GRM8: variants seen among roughly 807,000 people sequenced by gnomAD.
GRM8 encodes glutamate metabotropic receptor 8, also known as metabotropic glutamate receptor 8.
In GRM8, 47 loss-of-function variants were observed where a neutral mutation model predicts 87.2. That is an observed-to-expected ratio of 0.54 (90% CI 0.43 to 0.69). GRM8 has a LOEUF of 0.69. GRM8 is among the 30% of genes least tolerant of loss of function. The pLI, the probability that GRM8 is intolerant of heterozygous loss-of-function variation, is 0.00. For synonymous variants in GRM8, 396 were observed against 404.5 expected (o/e 0.98, Z 0.25); for missense variants, 1,019 against 1,139.2 (o/e 0.89, Z 1.52).
chr7:126,479,741 TAGACAGAC>T (rs3993604), intron 9 of GRM8, among the ~76,000 whole-genome samples: 7,095 of 148,534 alleles, frequency 0.048, 501 homozygotes, highest in African/African-American at 0.15. Context: ...GACAGAGAGA[TAGACAGAC>T]AGACAGACAG....
chr7:126,964,015 A>G (rs1809586055), intron 3 of GRM8, among the ~76,000 whole-genome samples: 1 of 152,196 alleles, frequency 6.6e-6, no homozygotes, highest in South Asian at 2.1e-4. Context: ...AACACCAAAC[A>G]TCTACGACCA....
intron 10 of GRM8, among the ~76,000 whole-genome samples, chr7:126,444,706 G>A (rs991810475): frequency 3.3e-5 from 5 of 152,070 alleles, no homozygotes; most frequent in Admixed American, 1.3e-4. Context: ...TAGATGGAAT[G>A]TAGACCATAA....
At chr7:126,943,480 T>C (rs1445079562) in intron 3 of GRM8, among the ~76,000 whole-genome samples, 1 of 152,208 alleles carries the variant, frequency 6.6e-6, no homozygotes, top group Non-Finnish European at 1.5e-5. Context: ...CAGACCCCTG[T>C]CTTAAGGGTA....
chr7:127,206,415 A>G (rs993703123), intron 2 of GRM8, among the ~76,000 whole-genome samples: 6 of 152,218 alleles, frequency 3.9e-5, no homozygotes, highest in African/African-American at 1.4e-4. Context: ...CCTGTATGGC[A>G]TTCCCTGGCT....
intron 9 of GRM8, among the ~76,000 whole-genome samples, chr7:126,455,914 A>C (rs2150501158): frequency 1.3e-5 from 2 of 151,844 alleles, no homozygotes; most frequent in East Asian, 3.9e-4. Context: ...AGAATAATAT[A>C]AACATACAAA....
chr7:126,940,772 G>T (rs902418361), intron 3 of GRM8, among the ~76,000 whole-genome samples: 5 of 152,030 alleles, frequency 3.3e-5, no homozygotes, highest in African/African-American at 1.2e-4. Context: ...TGTTGTTGTT[G>T]TTCCTTCTCT....
chr7:127,250,735 G>A (rs1225598116), intron 1 of GRM8: 1 of 152,176 alleles, frequency 6.6e-6, no homozygotes, highest in Non-Finnish European at 1.5e-5. Flanking sequence ...ACAAGCAAGT[G>A]ACCAAGGTAA....
At chr7:126,886,280 T>A (rs1318143564) in intron 6 of GRM8, among the ~76,000 whole-genome samples, 1 of 152,162 alleles carries the variant, frequency 6.6e-6, no homozygotes, top group African/African-American at 2.4e-5. Context: ...AATTTCATGT[T>A]AGCAAAATTC....
chr7:127,212,988 T>C (rs975987668), intron 2 of GRM8, among the ~76,000 whole-genome samples: 2 of 152,234 alleles, frequency 1.3e-5, no homozygotes, highest in African/African-American at 4.8e-5. Context: ...ACTAAGCTAT[T>C]GTTTGGTATT....
intron 9 of GRM8, chr7:126,511,069 T>A (rs28410025): frequency 6.6e-6 from 1 of 152,090 alleles, no homozygotes; most frequent in Admixed American, 6.6e-5. Context: ...CATCTACATA[T>A]TGAGAAGTCT....
intron 3 of GRM8, among the ~76,000 whole-genome samples, chr7:127,092,089 C>T (rs1260694624): frequency 1.4e-5 from 2 of 145,270 alleles, no homozygotes; most frequent in Non-Finnish European, 1.5e-5. Context: ...TCCCACTGGT[C>T]ATTCCCCCGT....
chr7:126,685,589 C>G lies in GRM8; in HGVS notation c.1358-76091G>C, dbSNP rs1407570310. Among the ~76,000 whole-genome samples, 5 of 152,134 alleles carry G rather than the reference C, an allele frequency of 3.3e-5. No homozygotes were observed. On this transcript the variant is annotated intron_variant, in intron 7 of 10. Transcript: ENST00000339582. The surrounding 1 kb of genome is among the most constrained non-coding windows in gnomAD (Gnocchi z 4.2). ...TCTGATCTTGGAGTAAGGTTGGGGC[C>G]AAGCCTGAGCACTGTTGCAGTTTGG...
chr7:126,803,310 A>G (rs1246741041), intron 6 of GRM8, among the ~76,000 whole-genome samples: 3 of 152,182 alleles, frequency 2.0e-5, no homozygotes, highest in Non-Finnish European at 2.9e-5. Flanking sequence ...GTGGGCACAG[A>G]CTGCGGGTAG....
chr7:126,446,646 A>G (rs908215600), intron 9 of GRM8, among the ~76,000 whole-genome samples: 2 of 152,032 alleles, frequency 1.3e-5, no homozygotes, highest in Non-Finnish European at 2.9e-5. Flanking sequence ...TAGATTATAA[A>G]TAAACATACA....
chr7:127,155,499 C>G (rs749260766), intron 2 of GRM8, among the ~76,000 whole-genome samples: 2 of 152,064 alleles, frequency 1.3e-5, no homozygotes, highest in Non-Finnish European at 2.9e-5. Context: ...CATACCCCAC[C>G]CATCTGCATG....
chr7:127,069,439 C>T (rs1352621878), intron 3 of GRM8, among the ~76,000 whole-genome samples: 2 of 152,148 alleles, frequency 1.3e-5, no homozygotes, highest in African/African-American at 2.4e-5. Context: ...GCTGGGATTA[C>T]AGGCATAAGC....
intron 6 of GRM8, among the ~76,000 whole-genome samples, chr7:126,823,098 TA>T (rs1471083995): frequency 6.6e-6 from 1 of 152,220 alleles, no homozygotes; most frequent in African/African-American, 2.4e-5. Context: ...AGACAGTAGG[TA>T]AAGAATGTCA....
At chr7:126,506,551 G>A (rs910835125) in intron 9 of GRM8, among the ~76,000 whole-genome samples, 2 of 151,864 alleles carry the variant, frequency 1.3e-5, no homozygotes, top group African/African-American at 4.8e-5. Flanking sequence ...AGGCCCAGGC[G>A]GGCAGATCAC....
intron 6 of GRM8, among the ~76,000 whole-genome samples, chr7:126,816,077 G>A (rs36019525): frequency 0.019 from 2,865 of 152,040 alleles, 39 homozygotes; most frequent in South Asian, 0.042. Context: ...ATGAGCCTGG[G>A]AAACCAAACC....
Sources: gnomAD v4.1 joint callset for allele counts (sites outside exome capture counted in the v4.1 genomes callset) on GRCh38, gnomAD v4.1.1 for gene constraint, Gnocchi (gnomAD v3.1) non-coding constraint, MANE v1.5 for transcripts, NCBI Gene and HGNC (gene_info 2026-07-23, HGNC 2026-07-21) for gene names.